The following CPLX4 variants were observed in gnomAD, a reference collection of about 807,000 sequenced individuals.
CPLX4 encodes complexin-4.
A neutral mutation model predicts 16.1 loss-of-function variants in CPLX4; 17 were observed. The observed-to-expected ratio is 1.06, with a 90% CI of 0.72 to 1.59. The LOEUF (loss-of-function observed/expected upper bound fraction) is 1.59, where lower values mean the gene tolerates loss of function less well. CPLX4 is among the 40% of genes most tolerant of loss of function. The probability of loss-of-function intolerance (pLI) is 0.00; values close to 1 mark genes in which losing one functional copy is unlikely to be tolerated. For missense variants in CPLX4, 193 were observed against 192.9 expected (o/e 1.00, Z 0.00); for synonymous variants, 55 against 57.8 (o/e 0.95, Z 0.22).
intron 2 of CPLX4, among the ~76,000 whole-genome samples, chr18:59,309,611 C>G (rs766021993): frequency 1.3e-5 from 2 of 151,946 alleles, no homozygotes; most frequent in Non-Finnish European, 2.9e-5. Flanking sequence ...ATCACAAGGT[C>G]AGGAGATCGA....
intron 1 of CPLX4, among the ~76,000 whole-genome samples, chr18:59,315,084 T>A (rs1462546086): frequency 6.6e-6 from 1 of 152,218 alleles, no homozygotes; most frequent in Non-Finnish European, 1.5e-5. Flanking sequence ...TTTAGTTTTA[T>A]AAGAAACAGC....
chr18:59,311,777 T>C (rs758603914), intron 2 of CPLX4, among the ~76,000 whole-genome samples: 1 of 152,190 alleles, frequency 6.6e-6, no homozygotes, highest in Non-Finnish European at 1.5e-5. Flanking sequence ...CTGTCACTAC[T>C]GGATGCAAGC....
chr18:59,318,365 T>A lies in CPLX4; in HGVS notation c.98A>T (p.Asp33Val). Residue 33 changes from aspartate (D) to valine (V), a missense_variant, in exon 1 of 3, where the codon GAT becomes GTT. Coordinates refer to ENST00000299721, the MANE Select transcript of CPLX4 (RefSeq NM_181654.4). Reference protein sequence around the residue: ...EENKEEGGASDPAAAQGMTRE... With the variant: ...EENKEEGGASVPAAAQGMTRE... Reference sequence around the variant, plus strand: ...AGTCATCCCTTGAGCTGCTGCAGGATCAGATGCACCTCCTTCTTCTTTATT... The same window carrying A: ...AGTCATCCCTTGAGCTGCTGCAGGAACAGATGCACCTCCTTCTTCTTTATT... 2 of 1,613,948 alleles carry A rather than the reference T, an allele frequency of 1.2e-6. No homozygotes were observed. Among genetic ancestry groups the A allele is most frequent in the Non-Finnish European group, 1.7e-6 (2 of 1,179,904 alleles).
At chr18:59,311,181 G>A (rs1472642631) in intron 2 of CPLX4, among the ~76,000 whole-genome samples, 1 of 152,172 alleles carries the variant, frequency 6.6e-6, no homozygotes, top group East Asian at 1.9e-4. Flanking sequence ...AAAGTGGAAA[G>A]GACAGTGTTT....
Position 59,296,736 on chromosome 18 carries a change from T to A in CPLX4, c.445A>T (p.Ile149Phe). The change falls in exon 3 of 3, where the codon ATC (isoleucine) becomes TTC (phenylalanine). Residue 149 changes from isoleucine (I) to phenylalanine (F), a missense_variant. Transcript: ENST00000299721. Reference sequence around the variant, plus strand: ...CACTTCTGCTCCGCTGTCTGCTTGATTTCAGTGAAGGTGGCCTGGGCTTTT... The same window carrying A: ...CACTTCTGCTCCGCTGTCTGCTTGAATTCAGTGAAGGTGGCCTGGGCTTTT... ...KEKAQATFTE[I>F]KQTAEQKCSV... 1.2e-6 allele frequency: 2 copies of A among 1,613,456 alleles called. No homozygotes were observed. The highest frequency in any genetic ancestry group is 1.7e-6 in the Non-Finnish European group (2 of 1,179,816).
At chr18:59,304,373 T>C (rs1031528617) in intron 2 of CPLX4, among the ~76,000 whole-genome samples, 17 of 152,364 alleles carry the variant, frequency 1.1e-4, no homozygotes, top group African/African-American at 3.4e-4. Flanking sequence ...AAGAATCTTG[T>C]AGCTTTATTT....
chr18:59,314,391 T>C (rs75748749), intron 1 of CPLX4, among the ~76,000 whole-genome samples: 109 of 152,344 alleles, frequency 7.2e-4, no homozygotes, highest in African/African-American at 2.5e-3. Flanking sequence ...ATCCACATTT[T>C]ACTTTTTTGA....
At chr18:59,301,616 G>A (rs548093759) in intron 2 of CPLX4, among the ~76,000 whole-genome samples, 3 of 152,364 alleles carry the variant, frequency 2.0e-5, no homozygotes, top group African/African-American at 7.2e-5. Flanking sequence ...GGAACCAAAT[G>A]TGGGCCTGTA....
intron 2 of CPLX4, among the ~76,000 whole-genome samples, chr18:59,309,858 A>T (rs2070605189): frequency 6.7e-6 from 1 of 150,048 alleles, no homozygotes. Flanking sequence ...AGAAAAAAAG[A>T]GTAGAAAGAA....
At chr18:59,299,103 C>T (rs950574709) in intron 2 of CPLX4, among the ~76,000 whole-genome samples, 3 of 152,224 alleles carry the variant, frequency 2.0e-5, no homozygotes, top group African/African-American at 7.2e-5. Flanking sequence ...TAATTAGTTC[C>T]TGGTCAAACT....
At chr18:59,310,285 C>T (rs2070608209) in intron 2 of CPLX4, among the ~76,000 whole-genome samples, 1 of 152,152 alleles carries the variant, frequency 6.6e-6, no homozygotes, top group Non-Finnish European at 1.5e-5. Context: ...CAATCATTCT[C>T]CAGAGAGGAC....
rs1315608117 is a variant in CPLX4, at chr18:59,312,486, G to GTA, written c.255+197_255+198dup. On this transcript the variant is annotated intron_variant, in intron 2 of 2. Coordinates refer to ENST00000299721, the MANE Select transcript of CPLX4 (RefSeq NM_181654.4). Reference sequence around the variant, plus strand: ...GAATATATATATATCCTGAATATGTGTATATATATATCCTGAATATATATA... The same window carrying GTA: ...GAATATATATATATCCTGAATATGTGTATATATATATATCCTGAATATATATA... 9.0e-5 allele frequency among the ~76,000 whole-genome samples: 13 copies of GTA among 144,898 alleles called. No homozygotes were observed. In the South Asian group the frequency reaches 1.1e-3, roughly 12 times the overall value.
At chr18:59,306,427 T>A (rs2070577250) in intron 2 of CPLX4, among the ~76,000 whole-genome samples, 1 of 152,268 alleles carries the variant, frequency 6.6e-6, no homozygotes, top group African/African-American at 2.4e-5. Context: ...ATTTGATTAC[T>A]GCCCTTATTT....
At chr18:59,307,497 C>G (rs988091112) in intron 2 of CPLX4, among the ~76,000 whole-genome samples, 6 of 152,308 alleles carry the variant, frequency 3.9e-5, no homozygotes, top group African/African-American at 1.2e-4. Context: ...GCTCTGTTTC[C>G]CTCCGAATAC....
rs755099722 is a variant in CPLX4, at chr18:59,318,377, CCTT to C, written c.83_85del (p.Glu28del). The C allele has an allele frequency of 1.7e-5, 27 of 1,613,784 alleles. No individual in the cohort carries two copies. Among genetic ancestry groups the C allele is most frequent in the African/African-American group, 4.0e-5 (3 of 74,898 alleles). The stretch of plus-strand genomic sequence containing the variant: ...AGCTGCTGCAGGATCAGATGCACCT[CCTT>C]CTTCTTTATTTTCTTCAGACCCACC... On this transcript the variant is annotated inframe_deletion, in exon 1 of 3. Transcript: ENST00000299721.
At chr18:59,316,401 C>T (rs188963454) in intron 1 of CPLX4, among the ~76,000 whole-genome samples, 1 of 152,282 alleles carries the variant, frequency 6.6e-6, no homozygotes, top group Admixed American at 6.5e-5. Context: ...GTTTAGGAGG[C>T]TTTCATTTGC....
intron 2 of CPLX4, among the ~76,000 whole-genome samples, chr18:59,308,558 T>G (rs2070593887): frequency 6.6e-6 from 1 of 151,546 alleles, no homozygotes; most frequent in South Asian, 2.1e-4. Context: ...TTTTTTTTTT[T>G]TTAAGTCACC....
chr18:59,301,513 TGG>T (rs551175167), intron 2 of CPLX4, among the ~76,000 whole-genome samples: 137 of 152,316 alleles, frequency 9.0e-4, no homozygotes, highest in African/African-American at 3.1e-3. Context: ...CCAATTACTC[TGG>T]GCTGCAGCCT....
At chr18:59,298,548 T>A (rs773701721) in intron 2 of CPLX4, among the ~76,000 whole-genome samples, 2 of 151,128 alleles carry the variant, frequency 1.3e-5, no homozygotes, top group African/African-American at 2.4e-5. Context: ...TATTAAAAAA[T>A]GACGATCTTA....
Sources: gnomAD v4.1 joint callset for allele counts (sites outside exome capture counted in the v4.1 genomes callset) on GRCh38, gnomAD v4.1.1 for gene constraint, MANE v1.5 for transcripts, NCBI Gene and HGNC (gene_info 2026-07-23, HGNC 2026-07-21) for gene names.